The following FSIP1 variants were observed in gnomAD, a reference collection of about 807,000 sequenced individuals.
The protein encoded by FSIP1 is fibrous sheath-interacting protein 1.
A neutral mutation model predicts 60.9 loss-of-function variants in FSIP1; 65 were observed. That is an observed-to-expected ratio of 1.07 (90% CI 0.87 to 1.31). The LOEUF is 1.31. Ranked by LOEUF, FSIP1 falls within the 40% of genes most tolerant of loss-of-function variation. FSIP1 has a pLI of 0.00. For synonymous variants in FSIP1, 209 were observed against 221.2 expected, an observed-to-expected ratio of 0.94 and a Z score of 0.49; for missense variants, 675 against 665.5, an observed-to-expected ratio of 1.01 and a Z score of -0.16.
At chr15:39,636,212 A>G (rs28653011) in intron 10 of FSIP1, among the ~76,000 whole-genome samples, 24,775 of 152,192 alleles carry the variant, frequency 0.16, 2,233 homozygotes, top group African/African-American at 0.21. Flanking sequence ...TTATGCTAGT[A>G]CACTGAATTC....
chr15:39,715,027 T>A lies in FSIP1; in HGVS notation c.1051-1446A>T, dbSNP rs572938110. The stretch of plus-strand genomic sequence containing the variant: ...ACTAATAAACTGAAGCACACCTACT[T>A]GAGAATTCAAGAACTACTGACTTAG... On this transcript the variant is annotated intron_variant, in intron 9 of 11. Transcript: ENST00000350221. Among the ~76,000 whole-genome samples the A allele has an allele frequency of 2.0e-5, 3 of 151,408 alleles. No individual in the cohort carries two copies. In the East Asian group the frequency reaches 5.8e-4, roughly 29 times the overall value.
intron 10 of FSIP1, among the ~76,000 whole-genome samples, chr15:39,638,562 C>A (rs1393049845): frequency 6.6e-6 from 1 of 152,186 alleles, no homozygotes; most frequent in African/African-American, 2.4e-5. Context: ...TCTCTTGCTA[C>A]AATCTTCAGA....
intron 10 of FSIP1, among the ~76,000 whole-genome samples, chr15:39,691,487 C>T (rs1894597238): frequency 6.6e-6 from 1 of 152,194 alleles, no homozygotes; most frequent in Non-Finnish European, 1.5e-5. Flanking sequence ...CAGCCAGTCA[C>T]CTCTGGACAG....
chr15:39,642,347 C>T (rs566021875), intron 10 of FSIP1, among the ~76,000 whole-genome samples: 1 of 152,188 alleles, frequency 6.6e-6, no homozygotes, highest in South Asian at 2.1e-4. Flanking sequence ...GTCCAAGAAA[C>T]CATTTCCTAG....
chr15:39,749,275 A>AAAAAAAAAAAAAAAAAAC (rs1566912727), intron 5 of FSIP1, among the ~76,000 whole-genome samples: 1 of 150,970 alleles, frequency 6.6e-6, no homozygotes, highest in African/African-American at 2.4e-5. Context: ...AAAAAAAAAA[A>AAAAAAAAAAAAAAAAAAC]ACCAGGCTAG....
At chr15:39,698,695 C>T (rs1020360637) in intron 10 of FSIP1, among the ~76,000 whole-genome samples, 2 of 152,280 alleles carry the variant, frequency 1.3e-5, no homozygotes, top group South Asian at 2.1e-4. Context: ...TGGTGGATGG[C>T]GTAACTTTCA....
At chr15:39,604,044 GCCTCAGCCTC>G (rs1890736424) in intron 11 of FSIP1, among the ~76,000 whole-genome samples, 4 of 152,286 alleles carry the variant, frequency 2.6e-5, no homozygotes, top group Admixed American at 2.0e-4. Flanking sequence ...CGATTCTCCT[GCCTCAGCCTC>G]CCAAGTAGCT....
At chr15:39,765,924 T>G (rs1485582392) in intron 3 of FSIP1, among the ~76,000 whole-genome samples, 178 bp from the exon 4 acceptor site, 1 of 152,242 alleles carries the variant, frequency 6.6e-6, no homozygotes, top group Non-Finnish European at 1.5e-5. Context: ...GTCTATATAA[T>G]TATCTAACAA....
intron 10 of FSIP1, among the ~76,000 whole-genome samples, chr15:39,692,238 A>G (rs1894633087): frequency 6.6e-6 from 1 of 152,214 alleles, no homozygotes; most frequent in South Asian, 2.1e-4. Context: ...ACCACCTCAC[A>G]GGAATCCTTC....
At chr15:39,675,289 C>A (rs986053338) in intron 10 of FSIP1, among the ~76,000 whole-genome samples, 3 of 152,140 alleles carry the variant, frequency 2.0e-5, no homozygotes, top group Admixed American at 6.5e-5. Flanking sequence ...CATTCAGATA[C>A]TCTATATCTG....
Position 39,683,392 on chromosome 15 carries a change from TA to T in FSIP1, c.1188+30051del, listed in dbSNP as rs1011779352. On this transcript the variant is annotated intron_variant, in intron 10 of 11. Coordinates refer to ENST00000350221, the MANE Select transcript of FSIP1 (RefSeq NM_152597.5). ...CAAAATTCAACATACATTCATGATT[TA>T]AAAAAAAAAACTCTCAGCAAATTAG... Among the ~76,000 whole-genome samples the T allele has an allele frequency of 2.6e-3, 382 of 148,144 alleles. 1 individual carries two copies. The highest frequency in any genetic ancestry group is 8.9e-3 in the African/African-American group (359 of 40,556).
At chr15:39,614,251 T>C (rs1317809094) in intron 11 of FSIP1, among the ~76,000 whole-genome samples, 1 of 151,838 alleles carries the variant, frequency 6.6e-6, no homozygotes, top group Non-Finnish European at 1.5e-5. Context: ...AAAATCAACA[T>C]ACAAAAATCA....
chr15:39,698,997 C>A (rs1208459098), intron 10 of FSIP1, among the ~76,000 whole-genome samples: 1 of 152,204 alleles, frequency 6.6e-6, no homozygotes, highest in East Asian at 1.9e-4. Flanking sequence ...ACTGCCCTAG[C>A]CTCCTCTGTC....
At chr15:39,603,996 A>C (rs1002353175) in intron 11 of FSIP1, among the ~76,000 whole-genome samples, 9 of 152,104 alleles carry the variant, frequency 5.9e-5, no homozygotes, top group African/African-American at 1.9e-4. Context: ...CAATGTCATG[A>C]TCTCAGTTCA....
At chr15:39,644,086 A>T (rs935158887) in intron 10 of FSIP1, among the ~76,000 whole-genome samples, 4 of 152,218 alleles carry the variant, frequency 2.6e-5, no homozygotes, top group Non-Finnish European at 5.9e-5. Context: ...ATATTCTGTC[A>T]GACACCCAGT....
intron 10 of FSIP1, among the ~76,000 whole-genome samples, chr15:39,695,763 C>T (rs562051691): frequency 2.0e-5 from 3 of 152,092 alleles, no homozygotes; most frequent in Admixed American, 6.5e-5. Context: ...TTGCACACAA[C>T]GTAGAGATAG....
Position 39,773,544 on chromosome 15 carries a change from A to C in FSIP1, c.126+2855T>G, listed in dbSNP as rs16969817. Among the ~76,000 whole-genome samples the C allele has an allele frequency of 5.6e-3, 847 of 152,346 alleles. 4 individuals carry two copies. The highest frequency in any genetic ancestry group is 0.019 in the African/African-American group (796 of 41,574). On this transcript the variant is annotated intron_variant, in intron 2 of 11. Coordinates refer to ENST00000350221, the MANE Select transcript of FSIP1 (RefSeq NM_152597.5). ...TTAATCTGTGTATTAAAATATGTGT[A>C]AGTTATCAATATCATGAAGTTGCTG...
chr15:39,677,824 C>T (rs1246577758), intron 10 of FSIP1, among the ~76,000 whole-genome samples: 1 of 151,950 alleles, frequency 6.6e-6, no homozygotes, highest in Non-Finnish European at 1.5e-5. Context: ...GGTGAAACCC[C>T]GTCGCTACTA....
intron 11 of FSIP1, among the ~76,000 whole-genome samples, chr15:39,607,006 T>A (rs2140364659): frequency 6.6e-6 from 1 of 152,324 alleles, no homozygotes; most frequent in Middle Eastern, 3.4e-3. Flanking sequence ...AAGTGTGACC[T>A]GACAACACTT....
Sources: gnomAD v4.1 joint callset for allele counts (sites outside exome capture counted in the v4.1 genomes callset) on GRCh38, gnomAD v4.1.1 for gene constraint, MANE v1.5 for transcripts, NCBI Gene and HGNC (gene_info 2026-07-23, HGNC 2026-07-21) for gene names.